The following RAD17 variants were observed in gnomAD, a reference collection of about 807,000 sequenced individuals.
RAD17 encodes the protein cell cycle checkpoint protein RAD17.
In RAD17, 31 loss-of-function variants were observed where a neutral mutation model predicts 81.5. The ratio of observed to expected loss-of-function variants is 0.38; its 90% CI spans 0.29 to 0.51. The LOEUF is 0.51. Ranked by LOEUF, RAD17 falls within the 20% of genes least tolerant of loss-of-function variation. RAD17 has a pLI of 0.88. For synonymous variants in RAD17, 261 were observed against 266.2 expected (o/e 0.98, Z 0.19); for missense variants, 681 against 781.2 (o/e 0.87, Z 1.53).
At chr5:69,395,066 T>A (rs1764799884) in intron 15 of RAD17, among the ~76,000 whole-genome samples, 1 of 152,000 alleles carries the variant, frequency 6.6e-6, no homozygotes, top group Non-Finnish European at 1.5e-5. Flanking sequence ...AATTAAAAAA[T>A]TGAAATAGCA....
At chr5:69,370,648 C>T (rs564533795) in intron 1 of RAD17, 3 of 152,768 alleles carry the variant, frequency 2.0e-5, no homozygotes, top group Non-Finnish European at 4.4e-5. Flanking sequence ...GGCCCCTGGT[C>T]TGCATCTTTT....
rs753702219 is a variant in RAD17 at position 69,393,187 on chromosome 5, T to C, written c.1222T>C (p.Leu408=). Residue 408 remains leucine (L), a synonymous_variant, in exon 14 of 19, where the codon TTG becomes CTG. Transcript: ENST00000354868. The part of the protein sequence containing the change: ...ASLTELDSPR[L]PSHLSEYERD... ...TTTAACAGAATTAGACTCACCTCGG[T>C]TGCCCTCTCATTTATCAGAATATGA... 1.4e-5 allele frequency: 22 copies of C among 1,611,534 alleles called. No homozygotes were observed. Among genetic ancestry groups the C allele is most frequent in the Non-Finnish European group, 1.8e-5 (21 of 1,178,602 alleles).
chr5:69,374,748 A>G (rs1763233880), intron 6 of RAD17, 37 bp downstream of exon 6: 1 of 1,477,896 alleles, frequency 6.8e-7, no homozygotes, highest in Non-Finnish European at 9.4e-7. Context: ...TTTAACATCA[A>G]ATATTTTTCT....
chr5:69,385,208 C>T (rs1764123927), intron 8 of RAD17, among the ~76,000 whole-genome samples: 1 of 151,694 alleles, frequency 6.6e-6, no homozygotes, highest in Admixed American at 6.6e-5. Flanking sequence ...GATATGCCCA[C>T]CGTGGCCTCC....
intron 4 of RAD17, 79 bp downstream of exon 4, chr5:69,372,296 A>T (rs1409419446): frequency 7.8e-7 from 1 of 1,275,304 alleles, no homozygotes; most frequent in Non-Finnish European, 1.1e-6. Context: ...CTGTCTTAAA[A>T]GAAGAGTGAA....
chr5:69,397,314 G>A (rs1357949413), intron 16 of RAD17, among the ~76,000 whole-genome samples: 1 of 151,626 alleles, frequency 6.6e-6, no homozygotes, highest in Non-Finnish European at 1.5e-5. Context: ...GCTAATTTTT[G>A]TATTTTTAGT....
rs773478374 is a variant in RAD17 at position 69,374,719 on chromosome 5, A to C, written c.351+8A>C. 6.3e-7 allele frequency: 1 copy of C among 1,588,222 alleles called. No individual in the cohort carries two copies. The highest frequency in any genetic ancestry group is 8.6e-7 in the Non-Finnish European group (1 of 1,162,572). ...GAAAGGCAACCAAAACAGGTAACTAAGAAATGTGTTTTTAAATATTTAACA... is the reference window on the plus strand; with the variant it reads ...GAAAGGCAACCAAAACAGGTAACTACGAAATGTGTTTTTAAATATTTAACA... On this transcript the variant is annotated splice_region_variant and intron_variant, in intron 6 of 18. Coordinates refer to ENST00000354868, the MANE Select transcript of RAD17 (RefSeq NM_133338.3).
At chr5:69,385,034 A>G in intron 8 of RAD17, 101 bp downstream of exon 8, 1 of 1,044,142 alleles carries the variant, frequency 9.6e-7, no homozygotes. Context: ...ATCTCAGCTC[A>G]TTGCAAGCTC....
rs761227501 is a variant in RAD17, at chr5:69,391,877, A to G, written c.1053A>G (p.Ser351=). 5 of 1,583,982 alleles carry G rather than the reference A, an allele frequency of 3.2e-6. No individual in the cohort carries two copies. The South Asian group carries it at 4.7e-5, about 15-fold the overall frequency. Residue 351 remains serine (S), a synonymous_variant, in exon 13 of 19, where the codon TCA becomes TCG. Transcript: ENST00000354868. ...GGAAAAAAGGAATGTCTTTAAAATC[A>G]GATGCTGTGCTGTCAAAATCAAAAC... ...RPRKKGMSLK[S]DAVLSKSKRR...
At position 69,382,065 on chromosome 5, in the gene RAD17, T is replaced by A; in HGVS notation, c.508+8T>A. 1 of 1,610,384 alleles carries A rather than the reference T, an allele frequency of 6.2e-7. No homozygotes were observed. Among genetic ancestry groups the A allele is most frequent in the African/African-American group, 1.3e-5 (1 of 74,918 alleles). On this transcript the variant is annotated splice_region_variant and intron_variant, in intron 7 of 18. Transcript: ENST00000354868. ...AGGGGATGTTTAATACTGGTAAGAT[T>A]TGCTGTGAAGGTAGTAGAAGTAGTG... is the stretch of plus-strand genomic sequence containing the variant.
intron 12 of RAD17, among the ~76,000 whole-genome samples, chr5:69,390,316 A>G (rs1764473007): frequency 6.6e-6 from 1 of 152,242 alleles, no homozygotes; most frequent in Non-Finnish European, 1.5e-5. Context: ...GGTAGCTTTT[A>G]AGCCATGCAC....
chr5:69,400,732 G>A (rs187983368), intron 17 of RAD17, among the ~76,000 whole-genome samples: 218 of 151,750 alleles, frequency 1.4e-3, no homozygotes, highest in African/African-American at 4.9e-3. Flanking sequence ...TTAGGAGTTC[G>A]AGACCAGCCT....
At chr5:69,401,727 C>T in intron 17 of RAD17, among the ~76,000 whole-genome samples, 1 of 151,920 alleles carries the variant, frequency 6.6e-6, no homozygotes, top group Non-Finnish European at 1.5e-5. Context: ...GTGGCTCATG[C>T]CTGTAATCCC....
At chr5:69,381,801 A>G (rs1763876482) in intron 6 of RAD17, 100 bp from the exon 7 acceptor site, 2 of 858,100 alleles carry the variant, frequency 2.3e-6, no homozygotes, top group Non-Finnish European at 3.5e-6. Flanking sequence ...CATTCAGCAA[A>G]TATTTATAGA....
At chr5:69,392,745 C>A in intron 13 of RAD17, 1 of 437,260 alleles carries the variant, frequency 2.3e-6, no homozygotes, top group Non-Finnish European at 4.6e-6. Context: ...TCCTCCCCAA[C>A]ATACGTTTAT....
intron 11 of RAD17, among the ~76,000 whole-genome samples, chr5:69,387,419 GGTT>G (rs1764281746): frequency 6.6e-6 from 1 of 152,144 alleles, no homozygotes. Flanking sequence ...CCAAGGGAGA[GGTT>G]GTTTTGAGGA....
chr5:69,411,237 C>T (rs1220066799), intron 18 of RAD17, among the ~76,000 whole-genome samples: 1 of 151,610 alleles, frequency 6.6e-6, no homozygotes, highest in African/African-American at 2.4e-5. Flanking sequence ...ATGGTGAAAC[C>T]GTGTCTCTAC....
At chr5:69,374,754 T>A in intron 6 of RAD17, 43 bp downstream of exon 6, 1 of 1,458,538 alleles carries the variant, frequency 6.9e-7, no homozygotes, top group Non-Finnish European at 9.5e-7. Flanking sequence ...ATCAAATATT[T>A]TTCTGACTTA....
At chr5:69,386,837 A>G (rs530926592) in intron 11 of RAD17, among the ~76,000 whole-genome samples, 1 of 151,798 alleles carries the variant, frequency 6.6e-6, no homozygotes, top group East Asian at 1.9e-4. Context: ...GGTGAAAAAC[A>G]TGTATCATAA....
Sources: allele counts gnomAD v4.1 joint callset (sites outside exome capture counted in the v4.1 genomes callset), GRCh38; gene constraint gnomAD v4.1.1; transcripts MANE v1.5; gene names NCBI Gene and HGNC (gene_info 2026-07-23, HGNC 2026-07-21).